The following ARHGAP25 variants were observed in gnomAD, a reference collection of about 807,000 sequenced individuals.
The protein encoded by ARHGAP25 is Rho GTPase activating protein 25.
ARHGAP25 carries 34 observed loss-of-function variants against 71.0 expected under a neutral mutation model. The observed-to-expected ratio is 0.48, with a 90% CI of 0.36 to 0.64. The LOEUF is 0.64. ARHGAP25 is among the 30% of genes least tolerant of loss of function. The pLI is 0.00. For missense variants in ARHGAP25, 706 were observed against 805.1 expected (o/e 0.88, Z 1.49); for synonymous variants, 282 against 296.5 (o/e 0.95, Z 0.50).
chr2:68,800,105 C>T (rs1224769767), intron 4 of ARHGAP25, among the ~76,000 whole-genome samples: 2 of 152,100 alleles, frequency 1.3e-5, no homozygotes, highest in South Asian at 2.1e-4. Flanking sequence ...CCCAGAGCCT[C>T]TACCCTCTCC....
chr2:68,815,652 A>G (rs1681167992), intron 6 of ARHGAP25, among the ~76,000 whole-genome samples: 1 of 151,952 alleles, frequency 6.6e-6, no homozygotes, highest in Non-Finnish European at 1.5e-5. Flanking sequence ...CATGTTGCAG[A>G]TGGTGATTAC....
intron 2 of ARHGAP25, 64 bp downstream of exon 2, chr2:68,775,484 G>C (rs1677821478): frequency 6.2e-7 from 1 of 1,609,074 alleles, no homozygotes; most frequent in African/African-American, 1.3e-5. Flanking sequence ...AGCCCGCTGG[G>C]ATTTCACTTA....
chr2:68,818,856 C>A (rs1166082243), intron 8 of ARHGAP25, among the ~76,000 whole-genome samples: 1 of 152,256 alleles, frequency 6.6e-6, no homozygotes, highest in Non-Finnish European at 1.5e-5. Flanking sequence ...TGCCTACTTT[C>A]CTGATCAAAA....
intron 2 of ARHGAP25, among the ~76,000 whole-genome samples, chr2:68,719,540 CTT>C (rs59046115): frequency 6.7e-6 from 1 of 149,086 alleles, no homozygotes; most frequent in Non-Finnish European, 1.5e-5. Context: ...AAAAAAATAA[CTT>C]TTTTTTTTCT....
Position 68,817,998 on chromosome 2 carries a change from T to G in ARHGAP25, c.1003+4T>G, listed in dbSNP as rs1681354332. ...GACCCTGCCGTGATCATGAGAGGTA[T>G]GGCTGGTCCCGTAGTGAAAGCAGGT... is the stretch of plus-strand genomic sequence containing the variant. On this transcript the variant is annotated splice_donor_region_variant and intron_variant, in intron 8 of 10. Coordinates refer to ENST00000409202, the MANE Select transcript of ARHGAP25 (RefSeq NM_001007231.3). 5 of 1,614,036 alleles carry G rather than the reference T, an allele frequency of 3.1e-6. No individual in the cohort carries two copies. The highest frequency in any genetic ancestry group is 3.4e-6 in the Non-Finnish European group (4 of 1,179,946).
intron 4 of ARHGAP25, among the ~76,000 whole-genome samples, chr2:68,803,488 T>G (rs1418788203): frequency 6.6e-6 from 1 of 152,022 alleles, no homozygotes; most frequent in African/African-American, 2.4e-5. Context: ...GAAGTAGACA[T>G]TTTTATTACA....
chr2:68,787,575 T>C (rs1678847449), intron 3 of ARHGAP25, among the ~76,000 whole-genome samples: 1 of 152,264 alleles, frequency 6.6e-6, no homozygotes, highest in African/African-American at 2.4e-5. Flanking sequence ...ATGACTTCTG[T>C]CCTCTTAAAT....
chr2:68,764,256 T>C (rs1676996859), intron 1 of ARHGAP25, among the ~76,000 whole-genome samples: 1 of 152,234 alleles, frequency 6.6e-6, no homozygotes, highest in Admixed American at 6.5e-5. Flanking sequence ...ATTTTGTTTA[T>C]CCAGTAACCT....
chr2:68,714,106 G>A (rs191040282), intron 2 of ARHGAP25, among the ~76,000 whole-genome samples: 35 of 145,970 alleles, frequency 2.4e-4, no homozygotes, highest in Admixed American at 1.2e-3. Flanking sequence ...CTGTGAATCC[G>A]TCTGGTCCTT....
At chr2:68,713,990 C>T (rs943836437) in intron 2 of ARHGAP25, among the ~76,000 whole-genome samples, 1 of 152,168 alleles carries the variant, frequency 6.6e-6, no homozygotes. Flanking sequence ...CAGGATGATG[C>T]TAGCCTCATC....
At chr2:68,746,709 CT>C (rs369547449) in intron 1 of ARHGAP25, among the ~76,000 whole-genome samples, 2,588 of 145,688 alleles carry the variant, frequency 0.018, 38 homozygotes, top group African/African-American at 0.028. Flanking sequence ...GACCACCCCC[CT>C]CCCCATCCCC....
chr2:68,773,752 A>T lies in ARHGAP25; in HGVS notation c.62-1469A>T, dbSNP rs1229977063. Among the ~76,000 whole-genome samples the T allele has an allele frequency of 2.6e-5, 4 of 152,216 alleles. No individual in the cohort carries two copies. In the East Asian group the frequency reaches 5.8e-4, roughly 22 times the overall value. ...GATGGAATGACATTTTGAAGTGAAG[A>T]GGGAAGTTGAAGAAGCTCTCAGTGA... On this transcript the variant is annotated intron_variant, in intron 1 of 10. Coordinates refer to ENST00000409202, the MANE Select transcript of ARHGAP25 (RefSeq NM_001007231.3).
intron 2 of ARHGAP25, among the ~76,000 whole-genome samples, chr2:68,716,431 C>T (rs531060140): frequency 3.2e-4 from 49 of 152,192 alleles, no homozygotes; most frequent in Non-Finnish European, 6.0e-4. Context: ...CATTTTGTGG[C>T]TTCTTCCAAA....
At chr2:68,785,159 T>C (rs1678657831) in intron 3 of ARHGAP25, among the ~76,000 whole-genome samples, 1 of 152,312 alleles carries the variant, frequency 6.6e-6, no homozygotes, top group East Asian at 1.9e-4. Flanking sequence ...ACAGATTTCA[T>C]AGGCACTTGC....
chr2:68,815,085 T>G (rs1046919016), intron 6 of ARHGAP25, among the ~76,000 whole-genome samples: 1 of 152,170 alleles, frequency 6.6e-6, no homozygotes, highest in Admixed American at 6.5e-5. Context: ...ACAATAAGAT[T>G]CCCACCCCTG....
At chr2:68,790,387 A>G (rs1360190949) in intron 4 of ARHGAP25, among the ~76,000 whole-genome samples, 2 of 152,206 alleles carry the variant, frequency 1.3e-5, no homozygotes, top group Admixed American at 1.3e-4. Flanking sequence ...CAAATCAGAC[A>G]TTTGTTCTTC....
intron 1 of ARHGAP25, among the ~76,000 whole-genome samples, chr2:68,752,999 G>T (rs1419180262): frequency 2.6e-5 from 4 of 152,062 alleles, no homozygotes; most frequent in South Asian, 4.2e-4. Flanking sequence ...ACTTTACCCA[G>T]TTGATGACAG....
intron 5 of ARHGAP25, 46 bp from the exon 6 acceptor site, chr2:68,813,241 T>A (rs1680959586): frequency 1.3e-6 from 2 of 1,571,460 alleles, no homozygotes; most frequent in African/African-American, 2.8e-5. Flanking sequence ...CATCCTAAAG[T>A]TTTTCTTTCA....
Position 68,802,424 on chromosome 2 carries a change from A to AAAT in ARHGAP25, c.467-4847_467-4846insTAA, listed in dbSNP as rs1553406630. ...CTCCATCTCAAAAAAAAAAAAAAAA[A>AAAT]AAAAAGAATGTGCCAACCTATTTGG... On this transcript the variant is annotated intron_variant, in intron 4 of 10. Transcript: ENST00000409202. Among the ~76,000 whole-genome samples the AAAT allele has an allele frequency of 4.5e-4, 69 of 151,744 alleles. No individual in the cohort carries two copies. The East Asian group carries it at 0.012, about 26-fold the overall frequency.
Sources: gnomAD v4.1 joint callset for allele counts (sites outside exome capture counted in the v4.1 genomes callset) on GRCh38, gnomAD v4.1.1 for gene constraint, MANE v1.5 for transcripts, NCBI Gene and HGNC (gene_info 2026-07-23, HGNC 2026-07-21) for gene names.